REG4: variants seen among roughly 807,000 people sequenced by gnomAD.
REG4 encodes the protein regenerating family member 4, also known as regenerating islet-derived protein 4.
In REG4, 16 loss-of-function variants were observed where a neutral mutation model predicts 22.3. That is an observed-to-expected ratio of 0.72 (90% confidence interval 0.49 to 1.09). The LOEUF (loss-of-function observed/expected upper bound fraction) is 1.09, where lower values mean the gene tolerates loss of function less well. REG4 is among the 50% of genes least tolerant of loss of function. REG4 has a pLI of 0.00. For synonymous variants in REG4, 71 were observed against 69.2 expected, an observed-to-expected ratio of 1.03 and a Z score of -0.13; for missense variants, 214 against 193.9, an observed-to-expected ratio of 1.10 and a Z score of -0.61.
chr1:119,794,436 A>C lies in REG4; in HGVS notation c.*182T>G. The C allele has an allele frequency of 1.5e-6, 1 of 669,060 alleles. No individual in the cohort carries two copies. Among genetic ancestry groups the C allele is most frequent in the Non-Finnish European group, 2.7e-6 (1 of 369,358 alleles). 41.4% of individuals were successfully genotyped at this position (669,060 alleles called of 1,614,324 possible). A position where few individuals can be genotyped will look rare whatever the true frequency, so the allele number is the denominator to read the frequency against. On this transcript the variant is annotated 3_prime_UTR_variant, in exon 6 of 6. Transcript: ENST00000256585. ...TGGCGGGGCAAACATTTAGAGCTAG[A>C]AGCCACTACTGGGCCAATGCTAAAG...
intron 2 of REG4, among the ~76,000 whole-genome samples, chr1:119,808,130 C>A (rs1331618613): frequency 6.6e-6 from 1 of 152,206 alleles, no homozygotes; most frequent in Non-Finnish European, 1.5e-5. Flanking sequence ...ATTTCATTTC[C>A]TTCCATTTCT....
chr1:119,800,575 C>T (rs1454645014), intron 3 of REG4, among the ~76,000 whole-genome samples: 1 of 152,160 alleles, frequency 6.6e-6, no homozygotes, highest in Non-Finnish European at 1.5e-5. Context: ...AGGAAGAGAG[C>T]CCAGCTCTCC....
At chr1:119,801,592 G>A (rs1654101755) in intron 3 of REG4, 1 of 152,280 alleles carries the variant, frequency 6.6e-6, no homozygotes, top group African/African-American at 2.4e-5. Flanking sequence ...CTAGAACTCA[G>A]GCCTCTGCCT....
In REG4 at chr1:119,794,187, A is replaced by T. The variant is rs587732153; in HGVS notation, c.*431T>A. ...CATGGCCAAAGGAAAAACAAGCAGG[A>T]GTTGAGTGGCTGGGGTGGGGTGCAG... is the stretch of plus-strand genomic sequence containing the variant. On this transcript the variant is annotated 3_prime_UTR_variant, in exon 6 of 6. Coordinates refer to ENST00000256585, the MANE Select transcript of REG4 (RefSeq NM_032044.4). 8 of 535,682 alleles carry T rather than the reference A, an allele frequency of 1.5e-5. No homozygotes were observed. The highest frequency in any genetic ancestry group is 2.7e-5 in the Non-Finnish European group (7 of 261,646). 33.2% of individuals were successfully genotyped at this position (535,682 alleles called of 1,614,324 possible). A position where few individuals can be genotyped will look rare whatever the true frequency, so the allele number is the denominator to read the frequency against.
Position 119,803,048 on chromosome 1 carries a change from GC to G in REG4, c.165+19del, listed in dbSNP as rs1470056201. The G allele has an allele frequency of 3.7e-6, 6 of 1,610,180 alleles. No homozygotes were observed. The highest frequency in any genetic ancestry group is 1.7e-4 in the Middle Eastern group (1 of 6,026). ...CTTTGCTCTAGAAAGGCCAGGCCAA[GC>G]AGGCAGCAAGTTTCTTACCTCGGCA... On this transcript the variant is annotated intron_variant, in intron 3 of 5. Transcript: ENST00000256585.
In REG4 at chr1:119,796,105, G is replaced by C. The variant is rs143798318; in HGVS notation, c.410-1420C>G. Among the ~76,000 whole-genome samples the C allele has an allele frequency of 5.6e-3, 853 of 152,286 alleles. 9 individuals carry two copies. The highest frequency in any genetic ancestry group is 0.02 in the African/African-American group (814 of 41,550). Reference sequence around the variant, plus strand: ...AGCCTAGCTTGCACGTGATAAGCATGCCACATGTATTCAGATGATTAGGGC... The same window carrying C: ...AGCCTAGCTTGCACGTGATAAGCATCCCACATGTATTCAGATGATTAGGGC... On this transcript the variant is annotated intron_variant, in intron 5 of 5. Transcript: ENST00000256585.
intron 1 of REG4, among the ~76,000 whole-genome samples, chr1:119,810,573 G>A (rs1055381674): frequency 5.9e-5 from 9 of 152,124 alleles, no homozygotes; most frequent in Non-Finnish European, 1.3e-4. Flanking sequence ...CTTGCACTTT[G>A]CTAAACTTTC....
chr1:119,799,779 T>G lies in REG4; in HGVS notation c.249A>C (p.Ile83=). ...LKEASTIAEY[I]SGYQRSQPIW... is the part of the protein sequence containing the mutation. ...TCGGCTGGCTTCTCTGATAGCCACT[T>G]ATGTACTCTGCTATGGTGCTGGCTT... Residue 83 remains isoleucine (I), a synonymous_variant, in exon 4 of 6, where the codon ATA becomes ATC. Transcript: ENST00000256585. 1 of 1,614,180 alleles carries G rather than the reference T, an allele frequency of 6.2e-7. No individual in the cohort carries two copies. Among genetic ancestry groups the G allele is most frequent in the South Asian group, 1.1e-5 (1 of 91,078 alleles).
chr1:119,794,761 T>C (rs947270), intron 5 of REG4, 76 bp from the exon 6 acceptor site: 567,303 of 1,297,156 alleles, frequency 0.44, 129,537 homozygotes, highest in East Asian at 0.79. Flanking sequence ...GGTGTTTTTC[T>C]TGGAAGCATA....
chr1:119,805,561 C>T (rs587757348), intron 2 of REG4, among the ~76,000 whole-genome samples: 13 of 152,240 alleles, frequency 8.5e-5, no homozygotes, highest in Non-Finnish European at 2.9e-5. Context: ...TGGAAGACCA[C>T]GCCGGAGCCC....
At chr1:119,811,095 C>T (rs1359219603) in intron 1 of REG4, among the ~76,000 whole-genome samples, 4 of 151,996 alleles carry the variant, frequency 2.6e-5, no homozygotes, top group Non-Finnish European at 5.9e-5. Context: ...AAACAAAAAA[C>T]CTGCACTGTA....
At chr1:119,804,355 G>C (rs1274838643) in intron 2 of REG4, among the ~76,000 whole-genome samples, 3 of 152,192 alleles carry the variant, frequency 2.0e-5, no homozygotes, top group Admixed American at 6.5e-5. Flanking sequence ...TAGCATGTAA[G>C]AGATTTTATA....
chr1:119,798,408 T>C (rs1653993954), intron 5 of REG4, 89 bp downstream of exon 5: 1 of 964,208 alleles, frequency 1.0e-6, no homozygotes, highest in Admixed American at 1.7e-5. Flanking sequence ...AGGAGGGCAG[T>C]GGTCCCCTGT....
Position 119,808,458 on chromosome 1 carries a change from A to G in REG4, c.67+245T>C, listed in dbSNP as rs888821674. Among the ~76,000 whole-genome samples the G allele has an allele frequency of 2.6e-5, 4 of 152,246 alleles. No homozygotes were observed. The South Asian group carries it at 8.3e-4, about 32-fold the overall frequency. The stretch of plus-strand genomic sequence containing the variant: ...CTCTGCCCTTCACAATAAACTTGCC[A>G]AATTAATATTATAACTTACCCTTAA... On this transcript the variant is annotated intron_variant, in intron 2 of 5. Coordinates refer to ENST00000256585, the MANE Select transcript of REG4 (RefSeq NM_032044.4).
rs587631243 is a variant in REG4 at position 119,800,446 on chromosome 1, G to A, written c.166-584C>T. Among the ~76,000 whole-genome samples, 21 of 152,238 alleles carry A rather than the reference G, an allele frequency of 1.4e-4. No homozygotes were observed. In the South Asian group the frequency reaches 2.5e-3, roughly 18 times the overall value. On this transcript the variant is annotated intron_variant, in intron 3 of 5. Transcript: ENST00000256585. Reference sequence around the variant, plus strand: ...CAGGCATTATGGCAGTGCTCTTTGCGGGACACCTCCAACACACTGGGCACC... The same window carrying A: ...CAGGCATTATGGCAGTGCTCTTTGCAGGACACCTCCAACACACTGGGCACC...
At chr1:119,796,990 G>A (rs895177491) in intron 5 of REG4, among the ~76,000 whole-genome samples, 1 of 152,200 alleles carries the variant, frequency 6.6e-6, no homozygotes, top group African/African-American at 2.4e-5. Context: ...TTCTGATGCT[G>A]CAGGTCTGAA....
chr1:119,811,392 A>T lies in REG4; in HGVS notation c.-95+17T>A, dbSNP rs1654493630. ...GTTTAAAGAAAGTCCCCCATCATCA[A>T]CCGCGAGGAGGATTACCTGTTTGGC... On this transcript the variant is annotated intron_variant, in intron 1 of 5. Coordinates refer to ENST00000256585, the MANE Select transcript of REG4 (RefSeq NM_032044.4). The T allele has an allele frequency of 6.6e-6, 1 of 152,066 alleles. No homozygotes were observed. The highest frequency in any genetic ancestry group is 2.1e-4 in the South Asian group (1 of 4,808). The allele number at this position is 152,066 out of a possible 1,614,324, so 9.4% of individuals were successfully genotyped here.
chr1:119,800,882 G>A (rs1273261775), intron 3 of REG4, among the ~76,000 whole-genome samples: 1 of 152,152 alleles, frequency 6.6e-6, no homozygotes, highest in Non-Finnish European at 1.5e-5. Flanking sequence ...GGCACTAGAG[G>A]CAGATATGTA....
At chr1:119,805,712 C>T (rs1295286140) in intron 2 of REG4, among the ~76,000 whole-genome samples, 2 of 151,978 alleles carry the variant, frequency 1.3e-5, no homozygotes, top group East Asian at 3.9e-4. Flanking sequence ...CCGTTCTCTC[C>T]CTGTCTTTGT....
Sources: gnomAD v4.1 joint callset for allele counts (sites outside exome capture counted in the v4.1 genomes callset) on GRCh38, gnomAD v4.1.1 for gene constraint, MANE v1.5 for transcripts, NCBI Gene and HGNC (gene_info 2026-07-23, HGNC 2026-07-21) for gene names.